The following SLIT1 variants were observed in gnomAD, a reference collection of about 807,000 sequenced individuals.
SLIT1 encodes the protein slit homolog 1 protein.
In SLIT1, 66 loss-of-function variants were observed where a neutral mutation model predicts 186.1. The observed-to-expected ratio is 0.35, with a 90% CI of 0.29 to 0.44. The LOEUF (loss-of-function observed/expected upper bound fraction) is 0.44. SLIT1 is among the 20% of genes least tolerant of loss of function. SLIT1 has a pLI of 1.00. For missense variants in SLIT1, 1,638 were observed against 2,037.4 expected (o/e 0.80, Z 3.77); for synonymous variants, 761 against 833.8 (o/e 0.91, Z 1.50).
chr10:97,121,342 G>A (rs772776951), intron 4 of SLIT1, among the ~76,000 whole-genome samples: 26 of 152,124 alleles, frequency 1.7e-4, no homozygotes, highest in Non-Finnish European at 3.1e-4. Context: ...TCACCAGGAC[G>A]AGCTGATCTG....
chr10:97,111,862 C>T (rs1050714498), intron 4 of SLIT1, among the ~76,000 whole-genome samples: 8 of 152,110 alleles, frequency 5.3e-5, no homozygotes, highest in Non-Finnish European at 7.4e-5. Context: ...AAATAAGACT[C>T]GGGTGTCCAG....
intron 5 of SLIT1, 135 bp downstream of exon 5, chr10:97,065,880 G>C: frequency 1.5e-6 from 1 of 659,628 alleles, no homozygotes; most frequent in South Asian, 1.7e-5. Context: ...GACCATGCTG[G>C]CACCAGCCCT....
chr10:97,031,060 A>G (rs1282887931), intron 24 of SLIT1, among the ~76,000 whole-genome samples: 1 of 152,210 alleles, frequency 6.6e-6, no homozygotes, highest in Non-Finnish European at 1.5e-5. Flanking sequence ...CTGTGTTTAC[A>G]TTACAAACAG....
Position 97,011,016 on chromosome 10 carries a change from G to C in SLIT1, c.3318C>G (p.Ser1106=), listed in dbSNP as rs1243025435. 6.2e-7 allele frequency: 1 copy of C among 1,614,012 alleles called. No homozygotes were observed. Among genetic ancestry groups the C allele is most frequent in the Non-Finnish European group, 8.5e-7 (1 of 1,179,992 alleles). ...ACCTGTAGCCCTCAGCACAGAGGCAGGAGTAGCTGTTGACTTCATCCATAC... is the reference window on the plus strand; with the variant it reads ...ACCTGTAGCCCTCAGCACAGAGGCACGAGTAGCTGTTGACTTCATCCATAC... The part of the protein sequence containing the change: ...AQCMDEVNSY[S]CLCAEGYSGQ... Residue 1106 remains serine (S), a synonymous_variant, in exon 31 of 37, where the codon TCC becomes TCG. Transcript: ENST00000266058.
rs546648488 is a variant in SLIT1 at position 97,077,824 on chromosome 10, A to G, written c.414-11738T>C. Among the ~76,000 whole-genome samples the G allele has an allele frequency of 9.7e-4, 147 of 152,272 alleles. 1 individual carries two copies. The South Asian group carries it at 0.017, about 17-fold the overall frequency. ...GATTTTTTTTCAATTATCGAACTAC[A>G]GTCTGGGCACAGTGGCTCATGCTTG... On this transcript the variant is annotated intron_variant, in intron 4 of 36. Coordinates refer to ENST00000266058, the MANE Select transcript of SLIT1 (RefSeq NM_003061.3).
At chr10:97,166,566 AG>A (rs1850114538) in intron 1 of SLIT1, among the ~76,000 whole-genome samples, 1 of 67,806 alleles carries the variant, frequency 1.5e-5, no homozygotes, top group Non-Finnish European at 3.1e-5. Context: ...AAAGAGAGAG[AG>A]AGAGAAAGAA....
At chr10:97,130,995 A>G (rs890777562) in intron 4 of SLIT1, among the ~76,000 whole-genome samples, 2 of 152,196 alleles carry the variant, frequency 1.3e-5, no homozygotes, top group African/African-American at 4.8e-5. Context: ...CCACATGGAC[A>G]TTCTCAATCT....
At chr10:97,082,431 TTTTA>T (rs1386650554) in intron 4 of SLIT1, among the ~76,000 whole-genome samples, 1 of 152,130 alleles carries the variant, frequency 6.6e-6, no homozygotes, top group South Asian at 2.1e-4. Flanking sequence ...TTATTTTTTA[TTTTA>T]TTTATTTATT....
intron 4 of SLIT1, among the ~76,000 whole-genome samples, chr10:97,120,869 G>A (rs968505878): frequency 1.6e-4 from 25 of 152,204 alleles, no homozygotes; most frequent in African/African-American, 5.8e-4. Context: ...CCTGAAATGA[G>A]AGCCGATCCA....
intron 4 of SLIT1, among the ~76,000 whole-genome samples, chr10:97,115,757 G>A (rs1313155520): frequency 6.6e-6 from 1 of 152,200 alleles, no homozygotes; most frequent in East Asian, 1.9e-4. Flanking sequence ...TGAGCCACCC[G>A]GCCTTCTCAC....
intron 28 of SLIT1, among the ~76,000 whole-genome samples, chr10:97,017,599 C>A (rs1246040542): frequency 6.6e-6 from 1 of 151,872 alleles, no homozygotes; most frequent in Non-Finnish European, 1.5e-5. Context: ...CAGGGCAGGG[C>A]CGGAGGGCTA....
At chr10:97,179,965 C>G (rs1850312443) in intron 1 of SLIT1, among the ~76,000 whole-genome samples, 1 of 152,222 alleles carries the variant, frequency 6.6e-6, no homozygotes, top group African/African-American at 2.4e-5. Flanking sequence ...GAACTGGAGG[C>G]GGCAACTCCG....
At position 97,019,024 on chromosome 10, in the gene SLIT1, G is replaced by A; in HGVS notation, c.2830C>T (p.Pro944Ser). The change falls in exon 27 of 37, where the codon CCC becomes TCC. Residue 944 changes from proline (P) to serine (S), a missense_variant. Physicochemically the swap from Pro to Ser is moderately conservative, Grantham distance 74. Around this residue, in one of 3 missense-constraint regions of SLIT1, gnomAD observed 1,245 missense variants for 1,535.3 expected, o/e 0.81. Transcript: ENST00000266058. ...CQNQGTCHND[P>S]LEVYRCACPS... ...CAGGCGCACCTGTACACCTCAAGGG[G>A]GTCGTTGTGGCAGGTGCCCTGGTTC... 1 of 1,613,894 alleles carries A rather than the reference G, an allele frequency of 6.2e-7. No homozygotes were observed. Among genetic ancestry groups the A allele is most frequent in the Non-Finnish European group, 8.5e-7 (1 of 1,179,836 alleles).
intron 25 of SLIT1, among the ~76,000 whole-genome samples, chr10:97,027,322 G>T (rs188528988): frequency 7.2e-5 from 11 of 152,344 alleles, no homozygotes; most frequent in Admixed American, 6.5e-4. Context: ...AAGCACAGAG[G>T]CGACAACCAC....
At chr10:97,127,350 A>G (rs183911299) in intron 4 of SLIT1, among the ~76,000 whole-genome samples, 9 of 152,322 alleles carry the variant, frequency 5.9e-5, no homozygotes, top group Admixed American at 5.2e-4. Context: ...ATCCAAACCA[A>G]TCAGACTCAT....
Position 97,043,587 on chromosome 10 carries a change from C to A in SLIT1, c.1854-74G>T. ...CCATCCACCTGGGCCACGCAGCTTC[C>A]GCCATCGTGGCTCGTTCACAGTTCT... On this transcript the variant is annotated intron_variant, in intron 18 of 36. Coordinates refer to ENST00000266058, the MANE Select transcript of SLIT1 (RefSeq NM_003061.3). This position sits in a 1 kb window ranked among gnomAD's most constrained non-coding sequence, Gnocchi z 7.0. The A allele has an allele frequency of 7.1e-7, 1 of 1,408,364 alleles. No homozygotes were observed. The highest frequency in any genetic ancestry group is 1.3e-5 in the South Asian group (1 of 79,732). The allele number at this position is 1,408,364 out of a possible 1,614,324, so 87.2% of individuals were successfully genotyped here.
chr10:97,179,329 C>T (rs554792362), intron 1 of SLIT1, among the ~76,000 whole-genome samples: 1 of 152,332 alleles, frequency 6.6e-6, no homozygotes, highest in African/African-American at 2.4e-5. Flanking sequence ...CATGGTGATG[C>T]ATGCCTGTAG....
intron 34 of SLIT1, among the ~76,000 whole-genome samples, chr10:97,003,599 C>T (rs1278631605): frequency 6.6e-6 from 1 of 152,138 alleles, no homozygotes; most frequent in Non-Finnish European, 1.5e-5. Context: ...TCATCAATAC[C>T]GAGAAATGCT....
intron 3 of SLIT1, among the ~76,000 whole-genome samples, chr10:97,160,872 C>A (rs1850016093): frequency 6.6e-6 from 1 of 152,130 alleles, no homozygotes; most frequent in Non-Finnish European, 1.5e-5. Flanking sequence ...AGGCACGTAC[C>A]ACTGTGCCTG....
Sources: gnomAD v4.1 joint callset for allele counts (sites outside exome capture counted in the v4.1 genomes callset) on GRCh38, gnomAD v4.1.1 for gene constraint, gnomAD v4.1.1 regional missense constraint, Gnocchi (gnomAD v3.1) non-coding constraint, MANE v1.5 for transcripts, NCBI Gene and HGNC (gene_info 2026-07-23, HGNC 2026-07-21) for gene names.